Variants in ANO4 observed in about 807,000 individuals in gnomAD.
ANO4 encodes anoctamin-4.
Under a neutral mutation model 141.9 loss-of-function variants are expected in ANO4, and 69 were observed. The observed-to-expected ratio is 0.49, with a 90% CI of 0.40 to 0.59. The LOEUF (loss-of-function observed/expected upper bound fraction) is 0.59, where lower values mean the gene tolerates loss of function less well. Among genes scored for constraint, ANO4 ranks in the 20% least tolerant of loss-of-function variants. The pLI is 0.00. For missense variants in ANO4, 894 were observed against 1,162.2 expected (o/e 0.77, Z 3.36); for synonymous variants, 350 against 394.3 (o/e 0.89, Z 1.33).
intron 11 of ANO4, among the ~76,000 whole-genome samples, chr12:101,040,361 G>A (rs937956517): frequency 2.6e-5 from 4 of 152,242 alleles, no homozygotes; most frequent in South Asian, 2.1e-4. Context: ...CGTAAGAAGC[G>A]AGTCACCCAT....
intron 1 of ANO4, among the ~76,000 whole-genome samples, chr12:100,899,398 A>G (rs2040488672): frequency 1.3e-5 from 2 of 152,182 alleles, no homozygotes; most frequent in Admixed American, 6.5e-5. Context: ...TGGAAGCCCA[A>G]TCCTAATCCA....
At chr12:101,034,072 C>T (rs1419804191) in intron 9 of ANO4, among the ~76,000 whole-genome samples, 3 of 152,146 alleles carry the variant, frequency 2.0e-5, no homozygotes, top group African/African-American at 7.2e-5. Context: ...TTGTGGAAGA[C>T]AGTGTGGGGA....
At chr12:101,069,193 C>A in intron 14 of ANO4, 2 of 1,278,624 alleles carry the variant, frequency 1.6e-6, no homozygotes, top group South Asian at 1.2e-5. Context: ...GGAACAGTGT[C>A]TCCCTTTTGC....
intron 2 of ANO4, among the ~76,000 whole-genome samples, chr12:100,920,788 A>G (rs996297326): frequency 6.6e-6 from 1 of 152,134 alleles, no homozygotes; most frequent in African/African-American, 2.4e-5. Flanking sequence ...ACATTGTTCA[A>G]TACCTAGTCT....
At chr12:101,035,102 A>T (rs911381290) in intron 9 of ANO4, among the ~76,000 whole-genome samples, 2 of 152,336 alleles carry the variant, frequency 1.3e-5, no homozygotes, top group South Asian at 2.1e-4. Context: ...ATGGATGTTC[A>T]TAACAGCTTA....
intron 1 of ANO4, among the ~76,000 whole-genome samples, chr12:100,811,543 C>T (rs2035436798): frequency 6.6e-6 from 1 of 152,092 alleles, no homozygotes; most frequent in African/African-American, 2.4e-5. Context: ...ATTCAGAGTT[C>T]CCCTGCAAAA....
intron 1 of ANO4, among the ~76,000 whole-genome samples, chr12:100,804,991 A>G (rs1040445665): frequency 1.3e-5 from 2 of 152,092 alleles, no homozygotes; most frequent in East Asian, 3.8e-4. Flanking sequence ...TTTCATTACA[A>G]TTGCTGTTGG....
At chr12:101,079,560 T>C (rs539975693) in intron 15 of ANO4, among the ~76,000 whole-genome samples, 1 of 152,232 alleles carries the variant, frequency 6.6e-6, no homozygotes, top group South Asian at 2.1e-4. Context: ...TCCATTTTCT[T>C]AAAAATCATC....
rs188973619 is a variant in ANO4 at position 100,759,398 on chromosome 12, A to G, written c.358+19293A>G. Reference sequence around the variant, plus strand: ...GTGGCTGAGACTAGAATCAGGAGAAAGCAAGTCAATGATGAATTCTTATCT... The same window carrying G: ...GTGGCTGAGACTAGAATCAGGAGAAGGCAAGTCAATGATGAATTCTTATCT... On this transcript the variant is annotated intron_variant, in intron 3 of 29. Coordinates refer to the ANO4 transcript ENST00000644049. 1.9e-3 allele frequency among the ~76,000 whole-genome samples: 288 copies of G among 152,332 alleles called. 4 individuals carry two copies. Among genetic ancestry groups the G allele is most frequent in the African/African-American group, 6.7e-3 (280 of 41,572 alleles).
chr12:100,882,080 T>C (rs1310577357), intron 1 of ANO4, among the ~76,000 whole-genome samples: 1 of 152,210 alleles, frequency 6.6e-6, no homozygotes, highest in Non-Finnish European at 1.5e-5. Flanking sequence ...CCAATACAGA[T>C]AATATTAAAA....
intron 2 of ANO4, among the ~76,000 whole-genome samples, chr12:100,917,783 T>A (rs2041414391): frequency 6.6e-6 from 1 of 152,214 alleles, no homozygotes; most frequent in Non-Finnish European, 1.5e-5. Context: ...AAATATCTTA[T>A]ATTTGGGGGA....
At chr12:100,971,139 G>A (rs962298504) in intron 5 of ANO4, among the ~76,000 whole-genome samples, 167 bp from the exon 6 acceptor site, 4 of 152,206 alleles carry the variant, frequency 2.6e-5, no homozygotes, top group African/African-American at 9.7e-5. Context: ...ACACACAGTG[G>A]GATGTTTGTT....
intron 3 of ANO4, among the ~76,000 whole-genome samples, chr12:100,782,418 C>T (rs182665595): frequency 2.0e-5 from 3 of 152,306 alleles, no homozygotes; most frequent in Admixed American, 2.0e-4. Context: ...TTCCTCTTGG[C>T]ATTTCCTAGT....
Position 100,724,277 on chromosome 12 carries a change from T to C in ANO4, c.22+6730T>C, listed in dbSNP as rs1331846700. On this transcript the variant is annotated intron_variant, in intron 1 of 29. Transcript: ENST00000644049. ...TGAGCACCAGACACAGTATTTAAAA[T>C]GCAGGAAAGGTGATTCAAGTATTTG... is the stretch of plus-strand genomic sequence containing the variant. 3.9e-5 allele frequency among the ~76,000 whole-genome samples: 6 copies of C among 152,220 alleles called. No homozygotes were observed. In the East Asian group the frequency reaches 1.2e-3, roughly 29 times the overall value.
Position 101,104,584 on chromosome 12 carries a change from AAT to A in ANO4, c.2149+4873_2149+4874del, listed in dbSNP as rs1166042617. On this transcript the variant is annotated intron_variant, in intron 22 of 27. Coordinates refer to ENST00000392977, the MANE Select transcript of ANO4 (RefSeq NM_001286615.2). ...CTCTACGTTATTTCAGGCTTTTGAT[AAT>A]ATATATATGTGTGTGTGTGTGTGTG... Among the ~76,000 whole-genome samples, 541 of 137,974 alleles carry A rather than the reference AAT, an allele frequency of 3.9e-3. 2 individuals carry two copies. Among genetic ancestry groups the A allele is most frequent in the Middle Eastern group, 8.5e-3 (2 of 236 alleles). The allele number at this position is 137,974 out of a possible 152,430, so 90.5% of individuals were successfully genotyped here.
rs527357010 is a variant in ANO4, at chr12:101,096,791, C to T, written c.1850+144C>T. ...AGAGCATCCTCCTCCCTTCTCTTCC[C>T]AAATCTCAAAACCACCTGGCATCCC... On this transcript the variant is annotated intron_variant, in intron 19 of 27. Coordinates refer to ENST00000392977, the MANE Select transcript of ANO4 (RefSeq NM_001286615.2). 11 of 635,830 alleles carry T rather than the reference C, an allele frequency of 1.7e-5. No homozygotes were observed. In the South Asian group the frequency reaches 1.9e-4, roughly 11 times the overall value. 39.4% of individuals were successfully genotyped at this position (635,830 alleles called of 1,614,324 possible).
At chr12:100,774,656 G>A (rs1481095421) in intron 3 of ANO4, among the ~76,000 whole-genome samples, 2 of 152,234 alleles carry the variant, frequency 1.3e-5, no homozygotes, top group Non-Finnish European at 2.9e-5. Context: ...ATATGCGAAT[G>A]CACTTGCACA....
rs148945858 is a variant in ANO4, at chr12:100,998,637, C to T, written c.734+10967C>T. On this transcript the variant is annotated intron_variant, in intron 8 of 27. Coordinates refer to ENST00000392977, the MANE Select transcript of ANO4 (RefSeq NM_001286615.2). The stretch of plus-strand genomic sequence containing the variant: ...CTATACGTCAATGCATAAAGCCCTT[C>T]GTCATTTTATATCTTATCACAAGAG... Among the ~76,000 whole-genome samples the T allele has an allele frequency of 1.3e-3, 194 of 152,250 alleles. 1 individual carries two copies. Among genetic ancestry groups the T allele is most frequent in the African/African-American group, 4.4e-3 (184 of 41,564 alleles).
intron 1 of ANO4, among the ~76,000 whole-genome samples, chr12:100,877,781 G>A (rs2039388243): frequency 6.6e-6 from 1 of 152,082 alleles, no homozygotes; most frequent in African/African-American, 2.4e-5. Context: ...GACATGATTG[G>A]TTCTGTTATG....
Sources: gnomAD v4.1 joint callset for allele counts (sites outside exome capture counted in the v4.1 genomes callset) on GRCh38, gnomAD v4.1.1 for gene constraint, MANE v1.5 for transcripts, NCBI Gene and HGNC (gene_info 2026-07-23, HGNC 2026-07-21) for gene names.